The following NKAIN3 variants were observed in gnomAD, a reference collection of about 807,000 sequenced individuals.
The protein encoded by NKAIN3 is sodium/potassium-transporting ATPase subunit beta-1-interacting protein 3.
Under a neutral mutation model 30.2 loss-of-function variants are expected in NKAIN3, and 25 were observed. The observed-to-expected ratio is 0.83, with a 90% CI of 0.60 to 1.16. The LOEUF (loss-of-function observed/expected upper bound fraction) is 1.16. NKAIN3 is among the 50% of genes most tolerant of loss of function. The probability of loss-of-function intolerance (pLI) is 0.00; values close to 1 mark genes in which losing one functional copy is unlikely to be tolerated. For missense variants in NKAIN3, 225 were observed against 254.1 expected, an observed-to-expected ratio of 0.89 and a Z score of 0.78; for synonymous variants, 91 against 89.6, an observed-to-expected ratio of 1.02 and a Z score of -0.09.
chr8:62,688,123 A>C (rs1470956549), intron 3 of NKAIN3, among the ~76,000 whole-genome samples: 1 of 152,208 alleles, frequency 6.6e-6, no homozygotes, highest in Non-Finnish European at 1.5e-5. Context: ...CCATAATTTC[A>C]GTGACAAATA....
At chr8:62,899,902 T>G (rs904585242) in intron 4 of NKAIN3, among the ~76,000 whole-genome samples, 2 of 151,980 alleles carry the variant, frequency 1.3e-5, no homozygotes. Flanking sequence ...ATAAAATAAT[T>G]TTTAAAATTA....
intron 4 of NKAIN3, among the ~76,000 whole-genome samples, chr8:62,779,703 A>C (rs10957238): frequency 0.88 from 134,671 of 152,178 alleles, 59,726 homozygotes; most frequent in African/African-American, 0.91. Flanking sequence ...AAGATGGACA[A>C]TATGTTAGAA....
chr8:62,902,607 C>T (rs939961891), intron 4 of NKAIN3, among the ~76,000 whole-genome samples: 10 of 152,208 alleles, frequency 6.6e-5, no homozygotes, highest in African/African-American at 2.4e-4. Flanking sequence ...ACTCTCTATC[C>T]TCAAAATATA....
intron 3 of NKAIN3, among the ~76,000 whole-genome samples, chr8:62,630,019 T>C (rs915745338): frequency 3.9e-5 from 6 of 152,116 alleles, no homozygotes; most frequent in African/African-American, 1.2e-4. Context: ...TAATAAAATA[T>C]GGAGAGAAAA....
Position 62,309,049 on chromosome 8 carries a change from T to C in NKAIN3, c.54+59922T>C, listed in dbSNP as rs979666754. 4.6e-5 allele frequency among the ~76,000 whole-genome samples: 7 copies of C among 150,616 alleles called. 1 individual carries two copies. Among genetic ancestry groups the C allele is most frequent in the Admixed American group, 3.9e-4 (6 of 15,230 alleles). ...GACTAGATAGAAATGTCCTGTGTTG[T>C]ATTTAAAGAAAATAAAACCATAATT... On this transcript the variant is annotated intron_variant, in intron 1 of 6. Transcript: ENST00000623646.
chr8:62,903,360 C>A (rs1821668774), intron 4 of NKAIN3, among the ~76,000 whole-genome samples: 1 of 152,092 alleles, frequency 6.6e-6, no homozygotes, highest in South Asian at 2.1e-4. Flanking sequence ...TGATTAAAAA[C>A]AAACAGATTA....
chr8:62,273,122 G>A (rs1245181254), intron 1 of NKAIN3, among the ~76,000 whole-genome samples: 1 of 152,106 alleles, frequency 6.6e-6, no homozygotes, highest in Non-Finnish European at 1.5e-5. Context: ...GATATATTCG[G>A]CTCTTGGGCC....
At chr8:62,715,278 C>G (rs1814858763) in intron 3 of NKAIN3, among the ~76,000 whole-genome samples, 1 of 152,126 alleles carries the variant, frequency 6.6e-6, no homozygotes, top group Non-Finnish European at 1.5e-5. Flanking sequence ...GAAACCATAT[C>G]AAGGGCACAT....
intron 4 of NKAIN3, among the ~76,000 whole-genome samples, chr8:62,805,436 A>C (rs542115722): frequency 1.3e-5 from 2 of 152,276 alleles, no homozygotes; most frequent in South Asian, 2.1e-4. Flanking sequence ...ACAGCATGGT[A>C]CTGGTACCAA....
intron 1 of NKAIN3, among the ~76,000 whole-genome samples, chr8:62,457,013 T>C (rs945279778): frequency 3.3e-5 from 5 of 152,352 alleles, no homozygotes; most frequent in Admixed American, 2.6e-4. Context: ...TCTCCATGAA[T>C]GAAAGTGCTG....
intron 1 of NKAIN3, among the ~76,000 whole-genome samples, chr8:62,516,193 T>C (rs2129760600): frequency 1.3e-5 from 2 of 152,254 alleles, no homozygotes; most frequent in South Asian, 4.1e-4. Flanking sequence ...ATTAACCTTG[T>C]AGTTCCACCC....
At chr8:62,654,042 A>C (rs572243023) in intron 3 of NKAIN3, among the ~76,000 whole-genome samples, 162 of 152,248 alleles carry the variant, frequency 1.1e-3, no homozygotes, top group Non-Finnish European at 2.1e-3. Flanking sequence ...TAAATAAAAC[A>C]AACTTAGAGG....
At chr8:62,704,304 A>G (rs1814444557) in intron 3 of NKAIN3, among the ~76,000 whole-genome samples, 1 of 152,096 alleles carries the variant, frequency 6.6e-6, no homozygotes. Context: ...TTTTCTGCCT[A>G]AATTTTCCCT....
intron 3 of NKAIN3, among the ~76,000 whole-genome samples, chr8:62,672,352 T>A (rs1264869274): frequency 2.0e-5 from 3 of 152,188 alleles, no homozygotes; most frequent in African/African-American, 7.2e-5. Context: ...GCCCTAGAAG[T>A]ATTAGACCAA....
chr8:62,568,964 A>T (rs1426996929), intron 1 of NKAIN3, among the ~76,000 whole-genome samples: 1 of 152,178 alleles, frequency 6.6e-6, no homozygotes, highest in Non-Finnish European at 1.5e-5. Flanking sequence ...ATTCCACCTC[A>T]CCTAGCTACA....
intron 3 of NKAIN3, among the ~76,000 whole-genome samples, chr8:62,688,749 C>G (rs555013791): frequency 1.3e-5 from 2 of 151,708 alleles, no homozygotes; most frequent in South Asian, 4.2e-4. Context: ...CAGACACACA[C>G]ACACACACAC....
intron 1 of NKAIN3, among the ~76,000 whole-genome samples, chr8:62,257,141 A>T (rs942360057): frequency 6.6e-6 from 1 of 152,164 alleles, no homozygotes; most frequent in African/African-American, 2.4e-5. Context: ...GAAATATACA[A>T]TACAGTATTA....
chr8:62,903,200 T>A (rs546889023), intron 4 of NKAIN3, among the ~76,000 whole-genome samples: 2 of 152,330 alleles, frequency 1.3e-5, no homozygotes, highest in South Asian at 2.1e-4. Flanking sequence ...TCCATATTCA[T>A]TGATTCATTT....
chr8:62,761,842 T>C (rs890756803), intron 4 of NKAIN3, among the ~76,000 whole-genome samples: 3 of 152,336 alleles, frequency 2.0e-5, no homozygotes, highest in East Asian at 1.9e-4. Flanking sequence ...TATCGGTATG[T>C]GTTAAGACAG....
Sources: allele counts gnomAD v4.1 joint callset (sites outside exome capture counted in the v4.1 genomes callset), GRCh38; gene constraint gnomAD v4.1.1; transcripts MANE v1.5; gene names NCBI Gene and HGNC (gene_info 2026-07-23, HGNC 2026-07-21).